The following MRPS10 variants were observed in gnomAD, a reference collection of about 807,000 sequenced individuals.
MRPS10 encodes the protein small ribosomal subunit protein uS10m.
A neutral mutation model predicts 27.5 loss-of-function variants in MRPS10; 23 were observed. That is an observed-to-expected ratio of 0.84 (90% CI 0.60 to 1.18). The LOEUF (loss-of-function observed/expected upper bound fraction) is 1.18, where lower values mean the gene tolerates loss of function less well. Among genes scored for constraint, MRPS10 ranks in the 50% most tolerant of loss-of-function variants. The probability of loss-of-function intolerance (pLI) is 0.00; values close to 1 mark genes in which losing one functional copy is unlikely to be tolerated. For synonymous variants in MRPS10, 88 were observed against 84.2 expected (o/e 1.04, Z -0.25); for missense variants, 237 against 240.1 (o/e 0.99, Z 0.09).
At chr6:42,215,604 T>C (rs1485765386) in intron 1 of MRPS10, among the ~76,000 whole-genome samples, 1 of 152,054 alleles carries the variant, frequency 6.6e-6, no homozygotes, top group African/African-American at 2.4e-5. Context: ...TATTTTGTAC[T>C]TTTGTAGAGA....
rs1409156564 is a variant in MRPS10, at chr6:42,208,181, C to G, written c.*108G>C. 11 of 808,920 alleles carry G rather than the reference C, an allele frequency of 1.4e-5. No homozygotes were observed. In the Admixed American group the frequency reaches 2.5e-4, roughly 18 times the overall value. 50.1% of individuals were successfully genotyped at this position (808,920 alleles called of 1,614,324 possible). The stretch of plus-strand genomic sequence containing the variant: ...ATGAGGGCACGAGAACTCAATGGAG[C>G]AGTTAGGGCAGACTCAAATCATCTC... On this transcript the variant is annotated 3_prime_UTR_variant, in exon 7 of 7. Coordinates refer to ENST00000053468, the MANE Select transcript of MRPS10 (RefSeq NM_018141.4).
At chr6:42,210,707 G>T in intron 4 of MRPS10, 111 bp from the exon 5 acceptor site, 2 of 1,436,136 alleles carry the variant, frequency 1.4e-6, no homozygotes, top group Non-Finnish European at 1.9e-6. Context: ...ACCATTTACA[G>T]ACTTCCATTT....
chr6:42,209,747 CAAAAAAAAAAAA>C lies in MRPS10; in HGVS notation c.432+729_432+740del, dbSNP rs60179760. ...GTGGTGACAGAGTGAGACTCTATCT[CAAAAAAAAAAAA>C]AAAAAAAAAAAAAAAAAAGAGTAGG... On this transcript the variant is annotated intron_variant, in intron 5 of 6. Transcript: ENST00000053468. Among the ~76,000 whole-genome samples, 6 of 58,636 alleles carry C rather than the reference CAAAAAAAAAAAA, an allele frequency of 1.0e-4. No individual in the cohort carries two copies. The South Asian group carries it at 3.5e-3, about 34-fold the overall frequency. The allele number at this position is 58,636 out of a possible 152,430, so 38.5% of individuals were successfully genotyped here.
chr6:42,215,174 T>C (rs6458275), intron 1 of MRPS10, among the ~76,000 whole-genome samples: 130,488 of 151,438 alleles, frequency 0.86, 56,283 homozygotes, highest in East Asian at 0.92. Flanking sequence ...GGATCACTTG[T>C]AGTCAGGAGT....
At chr6:42,215,999 C>CTTTTTCTTTTCTTTTT (rs1351748660) in intron 1 of MRPS10, among the ~76,000 whole-genome samples, 1 of 144,528 alleles carries the variant, frequency 6.9e-6, no homozygotes, top group Non-Finnish European at 1.5e-5. Flanking sequence ...TAAACCTCTG[C>CTTTTTCTTTTCTTTTT]TTTTTCTTTT....
At position 42,210,609 on chromosome 6, in the gene MRPS10, G is replaced by A. The variant is rs755042775; in HGVS notation, c.324-13C>T. The A allele has an allele frequency of 5.3e-6, 8 of 1,523,256 alleles. No homozygotes were observed. The African/African-American group carries it at 7.0e-5, about 13-fold the overall frequency. 94.4% of individuals were successfully genotyped at this position (1,523,256 alleles called of 1,614,324 possible). On this transcript the variant is annotated splice_polypyrimidine_tract_variant and intron_variant, in intron 4 of 6. Coordinates refer to ENST00000053468, the MANE Select transcript of MRPS10 (RefSeq NM_018141.4). ...TGGAGGTTCATGTCTGAAATTAATG[G>A]ACAAAACAAAACCTGAGTCACTATG...
In MRPS10 at chr6:42,211,854, C is replaced by T. The variant is rs1333126062; in HGVS notation, c.250G>A (p.Asp84Asn). 4 of 1,613,806 alleles carry T rather than the reference C, an allele frequency of 2.5e-6. No homozygotes were observed. The African/African-American group carries it at 4.0e-5, about 16-fold the overall frequency. The change falls in exon 4 of 7, where the codon GAT becomes AAT. Residue 84 changes from aspartate to asparagine, a missense_variant. Asp to Asn is a conservative substitution (Grantham distance 23, BLOSUM62 1). Around this residue, in one of 3 missense-constraint regions of MRPS10, gnomAD observed 164 missense variants for 137.8 expected, o/e 1.19. Transcript: ENST00000053468. ...KRLSVLVKGH[D>N]KAVLDSYEYF... is the part of the protein sequence containing the mutation. ...TCATAACTGTCCAATACAGCCTTAT[C>T]GTGACCTTTCACCAAAACCGAGAGG...
Position 42,208,259 on chromosome 6 carries a change from A to T in MRPS10, c.*30T>A. ...ACTCATCTGGCCCACCCTCATTTCA[A>T]ATTTAGGCAAAAATGGCCTCCCTGA... On this transcript the variant is annotated 3_prime_UTR_variant, in exon 7 of 7. Transcript: ENST00000053468. 1 of 1,548,708 alleles carries T rather than the reference A, an allele frequency of 6.5e-7. No homozygotes were observed. Among genetic ancestry groups the T allele is most frequent in the Non-Finnish European group, 8.9e-7 (1 of 1,124,056 alleles).
chr6:42,216,301 C>T (rs1019389566), intron 1 of MRPS10, among the ~76,000 whole-genome samples: 1 of 149,448 alleles, frequency 6.7e-6, no homozygotes, highest in Admixed American at 6.7e-5. Context: ...GGATTACAGG[C>T]GTGAGCCACC....
At chr6:42,211,110 G>T (rs1227551828) in intron 4 of MRPS10, among the ~76,000 whole-genome samples, 1 of 152,204 alleles carries the variant, frequency 6.6e-6, no homozygotes, top group African/African-American at 2.4e-5. Context: ...ACAAGACAAA[G>T]GAGACAGTTA....
chr6:42,211,689 AAAG>A, intron 4 of MRPS10, 89 bp downstream of exon 4: 2 of 1,292,478 alleles, frequency 1.5e-6, no homozygotes, highest in Admixed American at 2.5e-5. Flanking sequence ...AAAAAAAAAA[AAAG>A]AGTTCAGACC....
At chr6:42,214,650 T>C (rs1245972065) in intron 1 of MRPS10, among the ~76,000 whole-genome samples, 2 of 152,226 alleles carry the variant, frequency 1.3e-5, no homozygotes, top group Admixed American at 6.5e-5. Context: ...AAAATGTGAC[T>C]TCATTTTCCC....
chr6:42,213,678 C>G (rs951639374), intron 3 of MRPS10, among the ~76,000 whole-genome samples: 1 of 152,174 alleles, frequency 6.6e-6, no homozygotes, highest in African/African-American at 2.4e-5. Flanking sequence ...ACAGGGTTAC[C>G]AAGTTCCTTC....
intron 1 of MRPS10, among the ~76,000 whole-genome samples, chr6:42,216,385 A>AGAGAGAGAGAGAGTGTGTGTGTGT: frequency 1.7e-5 from 1 of 58,700 alleles, no homozygotes; most frequent in Non-Finnish European, 4.0e-5. Flanking sequence ...AGAGAGAGAG[A>AGAGAGAGAGAGAGTGTGTGTGTGT]GTGTGTGTGT....
At chr6:42,214,397 C>T (rs1768864472) in intron 1 of MRPS10, 53 bp from the exon 2 acceptor site, 5 of 1,371,114 alleles carry the variant, frequency 3.6e-6, no homozygotes, top group African/African-American at 1.5e-5. Context: ...ACTACCAAAC[C>T]ATTCATAATT....
chr6:42,208,808 G>T, intron 6 of MRPS10, 50 bp downstream of exon 6: 1 of 1,255,100 alleles, frequency 8.0e-7, no homozygotes, highest in Non-Finnish European at 1.2e-6. Flanking sequence ...CAACAATACA[G>T]ATACCACTCC....
Position 42,208,222 on chromosome 6 carries a change from C to A in MRPS10, c.*67G>T. 4 of 1,166,026 alleles carry A rather than the reference C, an allele frequency of 3.4e-6. No homozygotes were observed. Among genetic ancestry groups the A allele is most frequent in the East Asian group, 2.3e-5 (1 of 42,796 alleles). The allele number at this position is 1,166,026 out of a possible 1,614,324, so 72.2% of individuals were successfully genotyped here. ...AAATCATCTCAGCTGGAAGCACTCT[C>A]CACTTAAACATACTCATCTGGCCCA... is the stretch of plus-strand genomic sequence containing the variant. On this transcript the variant is annotated 3_prime_UTR_variant, in exon 7 of 7. Coordinates refer to ENST00000053468, the MANE Select transcript of MRPS10 (RefSeq NM_018141.4).
At chr6:42,212,007 G>T in intron 3 of MRPS10, 90 bp from the exon 4 acceptor site, 1 of 1,192,926 alleles carries the variant, frequency 8.4e-7, no homozygotes. Flanking sequence ...AACAACTTCA[G>T]AGTTTACTAA....
intron 3 of MRPS10, among the ~76,000 whole-genome samples, chr6:42,212,167 G>C (rs71558789): frequency 0.059 from 8,946 of 152,158 alleles, 357 homozygotes; most frequent in Admixed American, 0.11. Context: ...ATTACTAAAG[G>C]AACTTTCCAA....
Sources: gnomAD v4.1 joint callset for allele counts (sites outside exome capture counted in the v4.1 genomes callset) on GRCh38, gnomAD v4.1.1 for gene constraint, gnomAD v4.1.1 regional missense constraint, MANE v1.5 for transcripts, NCBI Gene and HGNC (gene_info 2026-07-23, HGNC 2026-07-21) for gene names.